LRRC4C: variants seen among roughly 807,000 people sequenced by gnomAD.
LRRC4C encodes leucine-rich repeat-containing protein 4C.
A neutral mutation model predicts 33.6 loss-of-function variants in LRRC4C; 5 were observed. That is an observed-to-expected ratio of 0.15 (90% CI 0.08 to 0.31). The LOEUF (loss-of-function observed/expected upper bound fraction) is 0.31, where lower values mean the gene tolerates loss of function less well. Ranked by LOEUF, LRRC4C falls within the 10% of genes least tolerant of loss-of-function variation. The pLI, the probability that LRRC4C is intolerant of heterozygous loss-of-function variation, is 1.00. For missense variants in LRRC4C, 560 were observed against 796.7 expected (o/e 0.70, Z 3.58); for synonymous variants, 329 against 302.0 (o/e 1.09, Z -0.93).
intron 2 of LRRC4C, among the ~76,000 whole-genome samples, chr11:40,897,135 G>T (rs1225284527): frequency 1.3e-5 from 2 of 152,100 alleles, no homozygotes; most frequent in Non-Finnish European, 2.9e-5. Context: ...TTGTCTCATC[G>T]ATGTTTCCTC....
intron 4 of LRRC4C, among the ~76,000 whole-genome samples, chr11:40,289,118 C>A (rs1182421606): frequency 6.6e-6 from 1 of 152,116 alleles, no homozygotes; most frequent in Non-Finnish European, 1.5e-5. Context: ...CCTGATAAGA[C>A]CTCAAATGAG....
At chr11:40,496,019 G>T (rs1293011450) in intron 3 of LRRC4C, among the ~76,000 whole-genome samples, 2 of 151,540 alleles carry the variant, frequency 1.3e-5, no homozygotes, top group Middle Eastern at 3.2e-3. Context: ...CAGTAGAGAC[G>T]TGGTTTCACC....
intron 2 of LRRC4C, among the ~76,000 whole-genome samples, chr11:40,694,516 A>C (rs1409845465): frequency 2.0e-5 from 3 of 152,048 alleles, no homozygotes; most frequent in Non-Finnish European, 2.9e-5. Context: ...ATAGCAGCTA[A>C]ATGCTGTTTT....
At chr11:41,197,944 G>A (rs771877886) in intron 1 of LRRC4C, among the ~76,000 whole-genome samples, 14 of 151,688 alleles carry the variant, frequency 9.2e-5, no homozygotes, top group African/African-American at 1.5e-4. Context: ...CTACCTCCTC[G>A]TCACTGCCAT....
chr11:40,257,426 A>T (rs377348344), intron 4 of LRRC4C, among the ~76,000 whole-genome samples: 2 of 152,170 alleles, frequency 1.3e-5, no homozygotes, highest in South Asian at 4.1e-4. Context: ...ATGCCTAAAA[A>T]ACATTTTGTC....
intron 3 of LRRC4C, among the ~76,000 whole-genome samples, chr11:40,453,331 T>C (rs577648275): frequency 1.3e-5 from 2 of 152,202 alleles, no homozygotes; most frequent in East Asian, 3.9e-4. Context: ...AAAAGTAGTG[T>C]ATACAAAAAA....
chr11:40,711,377 G>A (rs117561223), intron 2 of LRRC4C, among the ~76,000 whole-genome samples: 2,488 of 152,142 alleles, frequency 0.016, 25 homozygotes, highest in Middle Eastern at 0.037. Flanking sequence ...CCTTATTTTG[G>A]TATACTCATA....
At chr11:41,394,913 T>C (rs1054583090) in intron 1 of LRRC4C, 12 of 151,984 alleles carry the variant, frequency 7.9e-5, no homozygotes, top group African/African-American at 2.7e-4. Flanking sequence ...AATGCTATCG[T>C]GGTATATGGC....
chr11:41,248,690 T>A (rs2136621312), intron 1 of LRRC4C, among the ~76,000 whole-genome samples: 1 of 149,736 alleles, frequency 6.7e-6, no homozygotes, highest in Middle Eastern at 3.6e-3. Flanking sequence ...TAATTTTCAT[T>A]CATATGCTGA....
At chr11:40,314,635 A>AG (rs1945485390) in intron 4 of LRRC4C, among the ~76,000 whole-genome samples, 1 of 152,148 alleles carries the variant, frequency 6.6e-6, no homozygotes, top group African/African-American at 2.4e-5. Context: ...TAGCCAAGGT[A>AG]TGGATTCAAC....
intron 1 of LRRC4C, among the ~76,000 whole-genome samples, chr11:41,307,293 C>T (rs76871982): frequency 0.045 from 6,873 of 152,108 alleles, 201 homozygotes; most frequent in South Asian, 0.074. Flanking sequence ...GAAGACGATT[C>T]CTCCTTCAAT....
At chr11:41,340,366 C>G (rs554931932) in intron 1 of LRRC4C, among the ~76,000 whole-genome samples, 5 of 152,216 alleles carry the variant, frequency 3.3e-5, no homozygotes, top group Admixed American at 2.6e-4. Flanking sequence ...TTTTGCAAAA[C>G]TTGGACTAAA....
At chr11:41,266,333 C>T (rs888394459) in intron 1 of LRRC4C, among the ~76,000 whole-genome samples, 3 of 152,054 alleles carry the variant, frequency 2.0e-5, no homozygotes, top group African/African-American at 4.8e-5. Flanking sequence ...CTTATCAAAA[C>T]CTGCGAAATT....
At chr11:40,852,052 C>G (rs2135750982) in intron 2 of LRRC4C, among the ~76,000 whole-genome samples, 1 of 152,014 alleles carries the variant, frequency 6.6e-6, no homozygotes, top group East Asian at 1.9e-4. Context: ...TGGTCTTGAA[C>G]TCCTGACCTC....
At chr11:41,372,134 G>C (rs1446870681) in intron 1 of LRRC4C, among the ~76,000 whole-genome samples, 5 of 152,190 alleles carry the variant, frequency 3.3e-5, no homozygotes, top group Non-Finnish European at 5.9e-5. Context: ...GACTGAGCGA[G>C]ACTCCGTCTC....
intron 1 of LRRC4C, among the ~76,000 whole-genome samples, chr11:41,152,614 T>G (rs1344062941): frequency 6.6e-6 from 1 of 152,144 alleles, no homozygotes; most frequent in African/African-American, 2.4e-5. Flanking sequence ...GTAATTCACC[T>G]CCAAAATTCA....
intron 1 of LRRC4C, among the ~76,000 whole-genome samples, chr11:41,394,241 G>A (rs1290686892): frequency 6.6e-6 from 1 of 151,872 alleles, no homozygotes; most frequent in African/African-American, 2.4e-5. Context: ...TTTCCACAAC[G>A]GAAAAGAAAT....
intron 1 of LRRC4C, among the ~76,000 whole-genome samples, chr11:41,086,888 C>A (rs1348303627): frequency 1.4e-5 from 2 of 141,604 alleles, no homozygotes; most frequent in Admixed American, 7.1e-5. Context: ...AGATATGAGT[C>A]TTTTTTTTTT....
intron 2 of LRRC4C, among the ~76,000 whole-genome samples, chr11:40,909,165 C>T (rs1280717982): frequency 6.6e-6 from 1 of 151,986 alleles, no homozygotes; most frequent in Non-Finnish European, 1.5e-5. Context: ...TGCTTTCGTG[C>T]CTGCTTACAT....
Sources: allele counts gnomAD v4.1 joint callset (sites outside exome capture counted in the v4.1 genomes callset), GRCh38; gene constraint gnomAD v4.1.1; transcripts MANE v1.5; gene names NCBI Gene and HGNC (gene_info 2026-07-23, HGNC 2026-07-21).